PCDHA10: variants seen among roughly 807,000 people sequenced by gnomAD.
The protein encoded by PCDHA10 is protocadherin alpha 10, also known as protocadherin alpha-10.
Under a neutral mutation model 61.2 loss-of-function variants are expected in PCDHA10, and 45 were observed. The observed-to-expected ratio is 0.74, with a 90% confidence interval of 0.58 to 0.94. The LOEUF is 0.94. Among genes scored for constraint, PCDHA10 ranks in the 40% least tolerant of loss-of-function variants. PCDHA10 has a pLI of 0.00. For missense variants in PCDHA10, 1,278 were observed against 1,236.2 expected (o/e 1.03, Z -0.51); for synonymous variants, 602 against 548.8 (o/e 1.10, Z -1.35).
Position 140,896,583 on chromosome 5 carries a change from GC to G in PCDHA10, c.2388+38149del, listed in dbSNP as rs1194968470. The stretch of plus-strand genomic sequence containing the variant: ...GTAGAGATGGGGTTTTGACGTGTTG[GC>G]CAGGCTGGTCTCGAACTCCTGGTCT... On this transcript the variant is annotated intron_variant, in intron 1 of 3. Coordinates refer to ENST00000307360, the MANE Select transcript of PCDHA10 (RefSeq NM_018901.4). Among the ~76,000 whole-genome samples, 4 of 151,654 alleles carry G rather than the reference GC, an allele frequency of 2.6e-5. No individual in the cohort carries two copies. In the East Asian group the frequency reaches 7.8e-4, roughly 29 times the overall value.
At chr5:140,890,248 A>G (rs2062564503) in intron 1 of PCDHA10, among the ~76,000 whole-genome samples, 1 of 152,096 alleles carries the variant, frequency 6.6e-6, no homozygotes, top group Non-Finnish European at 1.5e-5. Context: ...CCAGTACACT[A>G]CTGCACCTGA....
intron 1 of PCDHA10, among the ~76,000 whole-genome samples, chr5:140,936,010 A>G (rs1470244912): frequency 6.6e-6 from 1 of 150,776 alleles, no homozygotes; most frequent in Non-Finnish European, 1.5e-5. Context: ...CTCCCACCTC[A>G]GCCTCCCGAG....
At chr5:140,942,338 G>A (rs1554214916) in intron 1 of PCDHA10, among the ~76,000 whole-genome samples, 1 of 152,042 alleles carries the variant, frequency 6.6e-6, no homozygotes, top group African/African-American at 2.4e-5. Flanking sequence ...TGAACCAGAG[G>A]GAGGCGGAGG....
At chr5:140,876,475 A>G (rs1385416022) in intron 1 of PCDHA10, 1 of 1,614,054 alleles carries the variant, frequency 6.2e-7, no homozygotes, top group Non-Finnish European at 8.5e-7. Context: ...AGGTCACAGC[A>G]TGGTCCTGGT....
intron 1 of PCDHA10, among the ~76,000 whole-genome samples, chr5:140,954,220 T>C (rs782685715): frequency 2.0e-5 from 3 of 152,240 alleles, no homozygotes; most frequent in African/African-American, 4.8e-5. Context: ...GTTTTTGCTA[T>C]TGTGAATAGT....
intron 1 of PCDHA10, among the ~76,000 whole-genome samples, chr5:140,900,909 G>T (rs1470878423): frequency 1.3e-5 from 2 of 152,184 alleles, no homozygotes; most frequent in Middle Eastern, 3.4e-3. Context: ...TTTAACTGTG[G>T]TAAGATGATA....
intron 1 of PCDHA10, among the ~76,000 whole-genome samples, chr5:140,977,658 T>C (rs1332848343): frequency 6.6e-6 from 1 of 152,192 alleles, no homozygotes; most frequent in African/African-American, 2.4e-5. Context: ...TTTGGCTAAT[T>C]CTCTGCATGC....
chr5:140,911,666 C>G (rs2075593137), intron 1 of PCDHA10, among the ~76,000 whole-genome samples: 1 of 152,168 alleles, frequency 6.6e-6, no homozygotes, highest in East Asian at 1.9e-4. Flanking sequence ...AACTCCTTGC[C>G]TCTCACGAAC....
intron 1 of PCDHA10, among the ~76,000 whole-genome samples, chr5:140,933,345 A>G (rs1257404732): frequency 6.6e-6 from 1 of 151,960 alleles, no homozygotes; most frequent in Non-Finnish European, 1.5e-5. Flanking sequence ...AAAGATAAAC[A>G]CTTTATTTCT....
chr5:140,883,826 C>G, intron 1 of PCDHA10: 1 of 1,612,622 alleles, frequency 6.2e-7, no homozygotes, highest in South Asian at 1.1e-5. Context: ...GGTGTACGCG[C>G]TGCAGCCGTT....
intron 1 of PCDHA10, chr5:140,867,294 T>A (rs987236296): frequency 6.6e-6 from 1 of 152,152 alleles, no homozygotes; most frequent in Admixed American, 6.5e-5. Flanking sequence ...TCAAATATCA[T>A]GTTGAATATA....
chr5:141,002,284 A>T (rs1334096097), intron 3 of PCDHA10, among the ~76,000 whole-genome samples: 1 of 152,180 alleles, frequency 6.6e-6, no homozygotes, highest in Non-Finnish European at 1.5e-5. Flanking sequence ...CAAAGGGATG[A>T]ATGGGGAGCA....
rs782357436 is a variant in PCDHA10, at chr5:140,876,751, G to T, written c.2388+18315G>T. On this transcript the variant is annotated intron_variant, in intron 1 of 3. Transcript: ENST00000307360. ...GTCGGCCTATGAGCTGGTGGTGACTGCGCGGGATGGGGGCTCGCCTTCGCT... is the reference window on the plus strand; with the variant it reads ...GTCGGCCTATGAGCTGGTGGTGACTTCGCGGGATGGGGGCTCGCCTTCGCT... 2.5e-6 allele frequency: 4 copies of T among 1,614,258 alleles called. No individual in the cohort carries two copies. The Admixed American group carries it at 6.7e-5, about 27-fold the overall frequency.
At chr5:140,913,144 A>T (rs1473490766) in intron 1 of PCDHA10, among the ~76,000 whole-genome samples, 4 of 152,180 alleles carry the variant, frequency 2.6e-5, no homozygotes, top group Non-Finnish European at 5.9e-5. Context: ...TTTTTGGAAT[A>T]GTTTGAGTAG....
In PCDHA10 at chr5:140,941,191, T is replaced by C. The variant is rs184104978; in HGVS notation, c.2389-37758T>C. Among the ~76,000 whole-genome samples the C allele has an allele frequency of 2.1e-3, 199 of 93,252 alleles. 3 individuals are homozygous for C. Among genetic ancestry groups the C allele is most frequent in the South Asian group, 0.011 (39 of 3,542 alleles). The allele number at this position is 93,252 out of a possible 152,430, so 61.2% of individuals were successfully genotyped here. A position where few individuals can be genotyped will look rare whatever the true frequency, so the allele number is the denominator to read the frequency against. On this transcript the variant is annotated intron_variant, in intron 1 of 3. Transcript: ENST00000307360. ...CATCTTGAACATCCTGCTTCTTTTT[T>C]TTTCTTTCTTCCTTTCTTTCTTCCT...
At chr5:140,896,318 C>T (rs1036368074) in intron 1 of PCDHA10, among the ~76,000 whole-genome samples, 8 of 152,150 alleles carry the variant, frequency 5.3e-5, no homozygotes, top group African/African-American at 1.9e-4. Flanking sequence ...AACTGCTTTC[C>T]ACAGTGGCTA....
At chr5:140,919,525 T>G (rs2079174631) in intron 1 of PCDHA10, among the ~76,000 whole-genome samples, 1 of 152,196 alleles carries the variant, frequency 6.6e-6, no homozygotes, top group Non-Finnish European at 1.5e-5. Context: ...TAATTCTCTT[T>G]TTTTCCTATA....
chr5:140,950,865 T>C (rs1419138561), intron 1 of PCDHA10, among the ~76,000 whole-genome samples: 1 of 152,098 alleles, frequency 6.6e-6, no homozygotes, highest in Non-Finnish European at 1.5e-5. Context: ...TTCTTGTATA[T>C]TCTATATTGT....
chr5:140,895,617 G>A (rs782388218), intron 1 of PCDHA10, among the ~76,000 whole-genome samples: 2 of 152,084 alleles, frequency 1.3e-5, no homozygotes, highest in Non-Finnish European at 2.9e-5. Context: ...CTCATTGAGG[G>A]TGTTGTCTTT....
Sources: gnomAD v4.1 joint callset for allele counts (sites outside exome capture counted in the v4.1 genomes callset) on GRCh38, gnomAD v4.1.1 for gene constraint, MANE v1.5 for transcripts, NCBI Gene and HGNC (gene_info 2026-07-23, HGNC 2026-07-21) for gene names.